The following PDE4D variants were observed in gnomAD, a reference collection of about 807,000 sequenced individuals.
PDE4D encodes 3',5'-cyclic-AMP phosphodiesterase 4D.
In PDE4D, 24 loss-of-function variants were observed where a neutral mutation model predicts 87.4. That is an observed-to-expected ratio of 0.27 (90% CI 0.20 to 0.39). The LOEUF (loss-of-function observed/expected upper bound fraction) is 0.39. Ranked by LOEUF, PDE4D falls within the 10% of genes least tolerant of loss-of-function variation. PDE4D has a pLI of 1.00. For missense variants in PDE4D, 714 were observed against 1,041.0 expected (o/e 0.69, Z 4.32); for synonymous variants, 384 against 383.2 (o/e 1.00, Z -0.02).
At chr5:59,213,458 C>A in intron 2 of PDE4D, among the ~76,000 whole-genome samples, 1 of 152,088 alleles carries the variant, frequency 6.6e-6, no homozygotes, top group Non-Finnish European at 1.5e-5. Flanking sequence ...GGCTCATGAT[C>A]ATGTTTTTGT....
intron 1 of PDE4D, among the ~76,000 whole-genome samples, chr5:60,395,328 G>C (rs893696613): frequency 5.9e-5 from 9 of 151,698 alleles, no homozygotes; most frequent in African/African-American, 2.2e-4. Flanking sequence ...CTGGAAACTT[G>C]ACTGCTATTA....
intron 5 of PDE4D, among the ~76,000 whole-genome samples, chr5:59,136,035 AAAAAC>A (rs1281219632): frequency 1.3e-5 from 2 of 152,012 alleles, no homozygotes; most frequent in African/African-American, 4.8e-5. Context: ...GATAAAAAAA[AAAAAC>A]CCTAAACAAA....
chr5:60,047,202 T>C (rs1177262193), intron 2 of PDE4D, among the ~76,000 whole-genome samples: 1 of 152,222 alleles, frequency 6.6e-6, no homozygotes, highest in Non-Finnish European at 1.5e-5. Context: ...TTCTGTCGGA[T>C]TGGTGGTGAT....
intron 1 of PDE4D, among the ~76,000 whole-genome samples, chr5:60,299,880 A>G (rs1252138446): frequency 6.6e-6 from 1 of 152,156 alleles, no homozygotes; most frequent in Non-Finnish European, 1.5e-5. Flanking sequence ...ATGTATCTTT[A>G]TAATAGAATG....
At chr5:59,221,314 T>A (rs1214483649) in intron 1 of PDE4D, among the ~76,000 whole-genome samples, 1 of 152,196 alleles carries the variant, frequency 6.6e-6, no homozygotes, top group East Asian at 1.9e-4. Flanking sequence ...AGGTGACGCA[T>A]GCAAAGGCTA....
chr5:59,209,574 AT>A (rs1449839567), intron 2 of PDE4D, among the ~76,000 whole-genome samples: 1 of 152,130 alleles, frequency 6.6e-6, no homozygotes. Flanking sequence ...TAATATCTCA[AT>A]TTTTTAATAA....
chr5:59,183,215 A>G (rs1415796154), intron 4 of PDE4D, among the ~76,000 whole-genome samples: 1 of 152,186 alleles, frequency 6.6e-6, no homozygotes, highest in Non-Finnish European at 1.5e-5. Context: ...ACAAATTTGC[A>G]TTGACCAAAA....
chr5:59,910,884 A>G (rs1753366289), intron 3 of PDE4D, among the ~76,000 whole-genome samples: 4 of 152,222 alleles, frequency 2.6e-5, no homozygotes, highest in Admixed American at 2.0e-4. Context: ...ACAGACTCCC[A>G]GGAACTAGAC....
At position 60,061,737 on chromosome 5, in the gene PDE4D, T is replaced by G. The variant is rs551879847; in HGVS notation, c.43-73020A>C. ...GTACAGGTATCAAAACAGACACATA[T>G]ACCAATGGAACAGAATAGAGACCTC... On this transcript the variant is annotated intron_variant, in intron 2 of 16. Transcript: ENST00000502484. 3.8e-3 allele frequency among the ~76,000 whole-genome samples: 571 copies of G among 152,056 alleles called. 2 individuals are homozygous for G. Among genetic ancestry groups the G allele is most frequent in the Middle Eastern group, 6.8e-3 (2 of 294 alleles).
At chr5:59,901,181 G>A (rs946082095) in intron 3 of PDE4D, among the ~76,000 whole-genome samples, 7 of 152,110 alleles carry the variant, frequency 4.6e-5, no homozygotes, top group African/African-American at 9.7e-5. Flanking sequence ...TTTGAGCCTC[G>A]TCAAGCTAAG....
At chr5:59,700,604 A>G (rs987881581) in intron 1 of PDE4D, among the ~76,000 whole-genome samples, 3 of 152,206 alleles carry the variant, frequency 2.0e-5, no homozygotes, top group African/African-American at 7.2e-5. Context: ...TTATCTATTT[A>G]CATGTATTTA....
chr5:60,279,790 T>C (rs1020066580), intron 1 of PDE4D, among the ~76,000 whole-genome samples: 2 of 151,752 alleles, frequency 1.3e-5, no homozygotes, highest in Admixed American at 6.6e-5. Flanking sequence ...GTTCACATGG[T>C]TCTGCCTCAG....
chr5:59,865,275 G>A (rs1040032354), intron 1 of PDE4D, among the ~76,000 whole-genome samples: 2 of 152,312 alleles, frequency 1.3e-5, no homozygotes, highest in East Asian at 3.9e-4. Context: ...ACTGGAAGAT[G>A]TCTCACCTGT....
intron 1 of PDE4D, among the ~76,000 whole-genome samples, chr5:60,451,316 T>A (rs1746080072): frequency 6.6e-6 from 1 of 152,178 alleles, no homozygotes; most frequent in Non-Finnish European, 1.5e-5. Context: ...ACACAATGTA[T>A]AATGATCAAG....
chr5:60,032,772 A>T (rs1767381881), intron 2 of PDE4D: 1 of 152,266 alleles, frequency 6.6e-6, no homozygotes, highest in African/African-American at 2.4e-5. Flanking sequence ...GTTTGTTGTC[A>T]CAAGTTCTTT....
At chr5:59,653,323 C>A (rs1431291078) in intron 1 of PDE4D, among the ~76,000 whole-genome samples, 2 of 151,562 alleles carry the variant, frequency 1.3e-5, no homozygotes, top group African/African-American at 4.8e-5. Flanking sequence ...TATGCCTTAG[C>A]CTCCAGAGTA....
chr5:60,048,627 C>T (rs1338908519), intron 2 of PDE4D, among the ~76,000 whole-genome samples: 1 of 151,846 alleles, frequency 6.6e-6, no homozygotes, highest in Non-Finnish European at 1.5e-5. Context: ...ACTTATGAAG[C>T]TTAGTTTGGC....
chr5:59,668,863 A>G (rs533618631), intron 1 of PDE4D, among the ~76,000 whole-genome samples: 4,764 of 75,148 alleles, frequency 0.063, 214 homozygotes, highest in African/African-American at 0.1. Flanking sequence ...AAGAAGAAGA[A>G]GAAGAAGAAG....
At chr5:59,371,548 T>C (rs1783942563) in intron 1 of PDE4D, among the ~76,000 whole-genome samples, 1 of 152,162 alleles carries the variant, frequency 6.6e-6, no homozygotes, top group African/African-American at 2.4e-5. Flanking sequence ...TCAGTTAAGG[T>C]GGTTTTTGAT....
Sources: gnomAD v4.1 joint callset for allele counts (sites outside exome capture counted in the v4.1 genomes callset) on GRCh38, gnomAD v4.1.1 for gene constraint, MANE v1.5 for transcripts, NCBI Gene and HGNC (gene_info 2026-07-23, HGNC 2026-07-21) for gene names.